The following PELI2 variants were observed in gnomAD, a reference collection of about 807,000 sequenced individuals.
The protein encoded by PELI2 is pellino E3 ubiquitin protein ligase family member 2.
Under a neutral mutation model 42.3 loss-of-function variants are expected in PELI2, and 23 were observed. The ratio of observed to expected loss-of-function variants is 0.54; its 90% CI spans 0.39 to 0.77. The LOEUF (loss-of-function observed/expected upper bound fraction) is 0.77, where lower values mean the gene tolerates loss of function less well. PELI2 is among the 30% of genes least tolerant of loss of function. The pLI is 0.00. For synonymous variants in PELI2, 245 were observed against 212.2 expected, an observed-to-expected ratio of 1.15 and a Z score of -1.34; for missense variants, 463 against 553.2, an observed-to-expected ratio of 0.84 and a Z score of 1.64.
rs763467479 is a variant in PELI2 at position 56,288,387 on chromosome 14, G to A, written c.310-50G>A. 15 of 1,387,316 alleles carry A rather than the reference G, an allele frequency of 1.1e-5. No homozygotes were observed. Among genetic ancestry groups the A allele is most frequent in the Admixed American group, 7.1e-5 (4 of 56,196 alleles). The allele number at this position is 1,387,316 out of a possible 1,614,324, so 85.9% of individuals were successfully genotyped here. On this transcript the variant is annotated intron_variant, in intron 3 of 5. Transcript: ENST00000267460. This position sits in a 1 kb window ranked among gnomAD's most constrained non-coding sequence, Gnocchi z 4.6. ...TGCTTTTTCCTTGTGAATAAAATAC[G>A]GCACCCTGCTATTTTCCAAGTGAAT... is the stretch of plus-strand genomic sequence containing the variant.
chr14:56,201,600 C>G (rs1886335360), intron 2 of PELI2, among the ~76,000 whole-genome samples: 1 of 152,142 alleles, frequency 6.6e-6, no homozygotes, highest in African/African-American at 2.4e-5. Context: ...ATTGTATTGT[C>G]AAACTCCACC....
chr14:56,256,892 A>C (rs1466128571), intron 2 of PELI2, among the ~76,000 whole-genome samples: 1 of 152,176 alleles, frequency 6.6e-6, no homozygotes, highest in Non-Finnish European at 1.5e-5. Context: ...AATTCATATT[A>C]GTGTGTGCTA....
chr14:56,232,332 C>T (rs878962192), intron 2 of PELI2, among the ~76,000 whole-genome samples: 1 of 152,070 alleles, frequency 6.6e-6, no homozygotes, highest in Non-Finnish European at 1.5e-5. Context: ...ACCAATATCC[C>T]TGATGAACAT....
At chr14:56,169,895 G>A (rs1294635924) in intron 1 of PELI2, among the ~76,000 whole-genome samples, 1 of 152,166 alleles carries the variant, frequency 6.6e-6, no homozygotes, top group Non-Finnish European at 1.5e-5. Context: ...ATAATAAGAG[G>A]GTTGGGACTA....
At chr14:56,275,372 T>G (rs917164597) in intron 2 of PELI2, among the ~76,000 whole-genome samples, 10 of 152,172 alleles carry the variant, frequency 6.6e-5, no homozygotes, top group African/African-American at 2.4e-4. Flanking sequence ...CACGTTACAT[T>G]TGTTGTGTAC....
intron 1 of PELI2, among the ~76,000 whole-genome samples, chr14:56,141,436 G>A (rs1437939519): frequency 6.6e-6 from 1 of 152,198 alleles, no homozygotes; most frequent in African/African-American, 2.4e-5. Flanking sequence ...GGTCTGTTAG[G>A]TTTTTTCTGA....
chr14:56,276,004 C>T (rs898172728), intron 2 of PELI2, among the ~76,000 whole-genome samples: 3 of 151,948 alleles, frequency 2.0e-5, no homozygotes, highest in Non-Finnish European at 4.4e-5. Flanking sequence ...CTTTTATTTC[C>T]AAAATACTGG....
chr14:56,185,690 A>C (rs1885747325), intron 2 of PELI2, among the ~76,000 whole-genome samples: 1 of 152,186 alleles, frequency 6.6e-6, no homozygotes, highest in South Asian at 2.1e-4. Flanking sequence ...TTCAGCAATT[A>C]ATCTAGTTTG....
chr14:56,255,066 AAGAC>A (rs548879630), intron 2 of PELI2, among the ~76,000 whole-genome samples: 8 of 152,318 alleles, frequency 5.3e-5, no homozygotes, highest in African/African-American at 1.4e-4. Flanking sequence ...ATCATTGTGA[AAGAC>A]AGTGTGGCAA....
intron 2 of PELI2, among the ~76,000 whole-genome samples, chr14:56,252,112 T>G (rs1481082764): frequency 6.6e-6 from 1 of 152,208 alleles, no homozygotes; most frequent in Non-Finnish European, 1.5e-5. Context: ...CACTGAATGC[T>G]CTCTGTACCA....
At chr14:56,201,940 G>T (rs966677897) in intron 2 of PELI2, among the ~76,000 whole-genome samples, 3 of 152,196 alleles carry the variant, frequency 2.0e-5, no homozygotes, top group Non-Finnish European at 2.9e-5. Context: ...CTATGTGTTA[G>T]ATACTATTCT....
At chr14:56,129,567 A>T (rs989876491) in intron 1 of PELI2, among the ~76,000 whole-genome samples, 4 of 152,176 alleles carry the variant, frequency 2.6e-5, no homozygotes, top group African/African-American at 7.2e-5. Flanking sequence ...TGGGGTCCTG[A>T]GTGCTTTGTC....
chr14:56,119,451 C>T (rs950561039), intron 1 of PELI2, among the ~76,000 whole-genome samples: 1 of 152,138 alleles, frequency 6.6e-6, no homozygotes, highest in Non-Finnish European at 1.5e-5. Context: ...CGGGCCGTAT[C>T]CCCCCGGTCC....
chr14:56,240,515 G>T (rs1015823061), intron 2 of PELI2, among the ~76,000 whole-genome samples: 4 of 152,134 alleles, frequency 2.6e-5, no homozygotes, highest in Non-Finnish European at 4.4e-5. Context: ...TATTTTAGAT[G>T]GTTGGTCAGT....
chr14:56,158,368 G>T (rs1234876174), intron 1 of PELI2, among the ~76,000 whole-genome samples: 4 of 151,848 alleles, frequency 2.6e-5, no homozygotes, highest in Non-Finnish European at 4.4e-5. Context: ...TCGAGACAGG[G>T]TCTCACTGTG....
rs945000042 is a variant in PELI2 at position 56,298,051 on chromosome 14, T to C, written c.*885T>C. On this transcript the variant is annotated 3_prime_UTR_variant, in exon 6 of 6. Coordinates refer to ENST00000267460, the MANE Select transcript of PELI2 (RefSeq NM_021255.3). ...GACTGAATTAAGATTTAAGAATGAT[T>C]AAAAATAAGCTTTTACTTTTTAAAA... The C allele has an allele frequency of 7.9e-5, 12 of 152,136 alleles. No homozygotes were observed. Among genetic ancestry groups the C allele is most frequent in the African/African-American group, 2.9e-4 (12 of 41,404 alleles). 9.4% of individuals were successfully genotyped at this position (152,136 alleles called of 1,614,324 possible).
chr14:56,160,357 T>C (rs1884715146), intron 1 of PELI2, among the ~76,000 whole-genome samples: 1 of 152,170 alleles, frequency 6.6e-6, no homozygotes, highest in Admixed American at 6.5e-5. Flanking sequence ...CATTTGGCAT[T>C]GGAGGCAGAG....
At chr14:56,264,902 A>C (rs1173435476) in intron 2 of PELI2, among the ~76,000 whole-genome samples, 4 of 152,176 alleles carry the variant, frequency 2.6e-5, no homozygotes, top group African/African-American at 9.7e-5. Flanking sequence ...ATAACTGTGA[A>C]TGATGAGAAT....
chr14:56,254,808 C>T (rs550060352), intron 2 of PELI2, among the ~76,000 whole-genome samples: 1 of 152,160 alleles, frequency 6.6e-6, no homozygotes, highest in Admixed American at 6.5e-5. Flanking sequence ...AAAAACAACC[C>T]TATCAAAAAG....
Sources: allele counts gnomAD v4.1 joint callset (sites outside exome capture counted in the v4.1 genomes callset), GRCh38; gene constraint gnomAD v4.1.1; non-coding constraint Gnocchi (gnomAD v3.1); transcripts MANE v1.5; gene names NCBI Gene and HGNC (gene_info 2026-07-23, HGNC 2026-07-21).